The following PRDM5 variants were observed in gnomAD, a reference collection of about 807,000 sequenced individuals.
PRDM5 encodes the protein PR/SET domain 5, also known as PR domain zinc finger protein 5.
A neutral mutation model predicts 81.2 loss-of-function variants in PRDM5; 56 were observed. The observed-to-expected ratio is 0.69, with a 90% CI of 0.56 to 0.86. The LOEUF is 0.86. PRDM5 is among the 40% of genes least tolerant of loss of function. The probability of loss-of-function intolerance (pLI) is 0.00; values close to 1 mark genes in which losing one functional copy is unlikely to be tolerated. For missense variants in PRDM5, 697 were observed against 770.1 expected (o/e 0.91, Z 1.12); for synonymous variants, 267 against 256.4 (o/e 1.04, Z -0.39).
intron 3 of PRDM5, among the ~76,000 whole-genome samples, chr4:120,852,880 GC>G (rs1759440823): frequency 6.8e-6 from 1 of 147,774 alleles, no homozygotes. Flanking sequence ...GCTCACTGCA[GC>G]CTTGACCTCT....
At chr4:120,879,287 C>A (rs924627888) in intron 2 of PRDM5, among the ~76,000 whole-genome samples, 1 of 152,170 alleles carries the variant, frequency 6.6e-6, no homozygotes, top group Non-Finnish European at 1.5e-5. Flanking sequence ...TGAAGACAAT[C>A]TGAAAGGGCT....
rs1212631151 is a variant in PRDM5 at position 120,816,923 on chromosome 4, C to T, written c.652G>A (p.Val218Ile). The part of the protein sequence containing the change: ...FPVKQALQRH[V>I]LQCTAKSSLK... ...CTGCTTTTCGCTGTGCACTGAAGAA[C>T]ACTAAAGGGAAATAGGAAAAAGAGA... is the stretch of plus-strand genomic sequence containing the variant. The change falls in exon 6 of 16, where the codon GTT (valine) becomes ATT (isoleucine). Residue 218 changes from valine to isoleucine, a missense_variant and splice_region_variant. Physicochemically the swap from Val to Ile is conservative, Grantham distance 29. Transcript: ENST00000264808. 2 of 1,609,362 alleles carry T rather than the reference C, an allele frequency of 1.2e-6. No homozygotes were observed. Among genetic ancestry groups the T allele is most frequent in the Non-Finnish European group, 1.7e-6 (2 of 1,175,740 alleles).
chr4:120,709,823 CAT>C (rs1560929981), intron 15 of PRDM5, among the ~76,000 whole-genome samples: 1 of 152,160 alleles, frequency 6.6e-6, no homozygotes, highest in Admixed American at 6.5e-5. Context: ...ATCCAAATGT[CAT>C]AAGCAGAAAA....
intron 2 of PRDM5, among the ~76,000 whole-genome samples, chr4:120,893,099 C>A (rs1469851468): frequency 4.6e-5 from 7 of 152,204 alleles, no homozygotes; most frequent in Admixed American, 4.6e-4. Context: ...AAGAGTTGCC[C>A]ATGAAAAACA....
intron 1 of PRDM5, among the ~76,000 whole-genome samples, chr4:120,916,082 AAACTT>A (rs1724122086): frequency 6.6e-6 from 1 of 152,156 alleles, no homozygotes; most frequent in Non-Finnish European, 1.5e-5. Flanking sequence ...TACCAGACAG[AAACTT>A]AGTTCAAAAT....
At chr4:120,878,637 A>G (rs1762552031) in intron 2 of PRDM5, among the ~76,000 whole-genome samples, 1 of 152,232 alleles carries the variant, frequency 6.6e-6, no homozygotes, top group African/African-American at 2.4e-5. Context: ...GATGAGCCAC[A>G]CAGTGATACA....
intron 8 of PRDM5, among the ~76,000 whole-genome samples, chr4:120,802,597 G>T (rs1752295096): frequency 6.6e-6 from 1 of 152,242 alleles, no homozygotes; most frequent in Non-Finnish European, 1.5e-5. Flanking sequence ...GGCAAAGAGG[G>T]TCTGGAGTGG....
chr4:120,882,055 T>C (rs1293799359), intron 2 of PRDM5, among the ~76,000 whole-genome samples: 1 of 152,206 alleles, frequency 6.6e-6, no homozygotes, highest in Non-Finnish European at 1.5e-5. Context: ...TCTCCCAGAT[T>C]CCTTGCCTCC....
Position 120,794,978 on chromosome 4 carries a change from C to G in PRDM5, c.1188+3289G>C, listed in dbSNP as rs191707130. ...ATCACTCAGTAAATTGATTTCAAGACCTACACAGCAGTCATGGCCCAGAAT... is the reference window on the plus strand; with the variant it reads ...ATCACTCAGTAAATTGATTTCAAGAGCTACACAGCAGTCATGGCCCAGAAT... On this transcript the variant is annotated intron_variant, in intron 10 of 15. Coordinates refer to ENST00000264808, the MANE Select transcript of PRDM5 (RefSeq NM_018699.4). Among the ~76,000 whole-genome samples, 177 of 151,284 alleles carry G rather than the reference C, an allele frequency of 1.2e-3. 1 individual carries two copies. Among genetic ancestry groups the G allele is most frequent in the African/African-American group, 4.3e-3 (175 of 41,086 alleles).
At chr4:120,865,691 C>A (rs970172880) in intron 2 of PRDM5, among the ~76,000 whole-genome samples, 5 of 152,222 alleles carry the variant, frequency 3.3e-5, no homozygotes, top group African/African-American at 1.2e-4. Context: ...CACAGTTCCA[C>A]TCCTCTGAGA....
intron 3 of PRDM5, among the ~76,000 whole-genome samples, chr4:120,845,336 A>G (rs1200202280): frequency 2.0e-5 from 3 of 152,242 alleles, no homozygotes; most frequent in African/African-American, 7.2e-5. Flanking sequence ...TCAAAGCTTC[A>G]AAGGACAGGC....
Position 120,694,974 on chromosome 4 carries a change from A to T in PRDM5, c.*137T>A. 9.7e-7 allele frequency: 1 copy of T among 1,033,622 alleles called. No individual in the cohort carries two copies. Among genetic ancestry groups the T allele is most frequent in the Non-Finnish European group, 1.5e-6 (1 of 673,244 alleles). 64.0% of individuals were successfully genotyped at this position (1,033,622 alleles called of 1,614,324 possible). ...TTTTTGGTTGCATATGCATCTACAG[A>T]CTCTAAATGTAGGCAAATAAGAACT... On this transcript the variant is annotated 3_prime_UTR_variant, in exon 16 of 16. Coordinates refer to ENST00000264808, the MANE Select transcript of PRDM5 (RefSeq NM_018699.4).
chr4:120,802,955 T>C (rs1158331650), intron 8 of PRDM5, among the ~76,000 whole-genome samples: 1 of 152,100 alleles, frequency 6.6e-6, no homozygotes, highest in Non-Finnish European at 1.5e-5. Context: ...GCTAAAAACC[T>C]TGAAAAAAGA....
At chr4:120,865,569 T>A (rs972573109) in intron 2 of PRDM5, among the ~76,000 whole-genome samples, 1 of 152,190 alleles carries the variant, frequency 6.6e-6, no homozygotes, top group African/African-American at 2.4e-5. Context: ...CTTTCTTCAA[T>A]CCCGACATTT....
chr4:120,705,854 T>G (rs1736029560), intron 15 of PRDM5, among the ~76,000 whole-genome samples: 1 of 152,112 alleles, frequency 6.6e-6, no homozygotes, highest in African/African-American at 2.4e-5. Flanking sequence ...GATAAAGCTG[T>G]GGAGTTATGA....
At chr4:120,817,078 T>C (rs1430547159) in intron 5 of PRDM5, among the ~76,000 whole-genome samples, 154 bp from the exon 6 acceptor site, 1 of 152,212 alleles carries the variant, frequency 6.6e-6, no homozygotes, top group Non-Finnish European at 1.5e-5. Flanking sequence ...ACCTTAACTA[T>C]AAGCTCTTGC....
intron 3 of PRDM5, chr4:120,839,147 T>C (rs1379683996): frequency 5.9e-6 from 4 of 680,406 alleles, no homozygotes; most frequent in Non-Finnish European, 1.1e-5. Context: ...AGGTCTGGGA[T>C]CCCTGAAAGG....
chr4:120,800,607 A>G (rs928691677), intron 8 of PRDM5, among the ~76,000 whole-genome samples: 3 of 152,152 alleles, frequency 2.0e-5, no homozygotes, highest in Non-Finnish European at 4.4e-5. Context: ...GCAGGTATGC[A>G]GGATGAATAA....
intron 15 of PRDM5, among the ~76,000 whole-genome samples, chr4:120,709,738 A>T (rs1157907954): frequency 6.6e-6 from 1 of 152,208 alleles, no homozygotes; most frequent in Admixed American, 6.5e-5. Context: ...CAATATTCAG[A>T]TTAATTTTAC....
Sources: gnomAD v4.1 joint callset for allele counts (sites outside exome capture counted in the v4.1 genomes callset) on GRCh38, gnomAD v4.1.1 for gene constraint, MANE v1.5 for transcripts, NCBI Gene and HGNC (gene_info 2026-07-23, HGNC 2026-07-21) for gene names.